Variants in HOMEZ observed in about 807,000 individuals in gnomAD.
HOMEZ encodes the protein homeobox and leucine zipper encoding, also known as homeobox and leucine zipper protein Homez.
A neutral mutation model predicts 50.1 loss-of-function variants in HOMEZ; 20 were observed. The ratio of observed to expected loss-of-function variants is 0.40; its 90% confidence interval spans 0.28 to 0.58. The LOEUF is 0.58. Ranked by LOEUF, HOMEZ falls within the 20% of genes least tolerant of loss-of-function variation. HOMEZ has a pLI of 0.46. For synonymous variants in HOMEZ, 239 were observed against 254.7 expected (o/e 0.94, Z 0.59); for missense variants, 579 against 680.5 (o/e 0.85, Z 1.66).
intron 1 of HOMEZ, among the ~76,000 whole-genome samples, chr14:23,283,214 T>A (rs182820294): frequency 1.3e-5 from 2 of 152,286 alleles, no homozygotes; most frequent in East Asian, 3.9e-4. Context: ...ATGCCAGATA[T>A]GTCCCATTGC....
rs570927271 is a variant in HOMEZ at position 23,286,074 on chromosome 14, T to G, written c.-122A>C. On this transcript the variant is annotated 5_prime_UTR_variant, in exon 1 of 2. Coordinates refer to ENST00000357460, the MANE Select transcript of HOMEZ (RefSeq NM_020834.3). ...GAAACCGGGACTGCCCCCCCCACCG[T>G]CCCCGGGAGCGCGCCGGTCTACCCA... The G allele has an allele frequency of 7.3e-6, 9 of 1,230,366 alleles. No individual in the cohort carries two copies. The highest frequency in any genetic ancestry group is 9.1e-6 in the Non-Finnish European group (9 of 986,972). The allele number at this position is 1,230,366 out of a possible 1,614,324, so 76.2% of individuals were successfully genotyped here.
rs1555323548 is a variant in HOMEZ at position 23,280,710 on chromosome 14, T to TTTTATTTTATTTTATTTTA, written c.41-3524_41-3523insTAAAATAAAATAAAATAAA. Among the ~76,000 whole-genome samples the TTTTATTTTATTTTATTTTA allele has an allele frequency of 1.4e-4, 9 of 62,102 alleles. 1 individual carries two copies. Among genetic ancestry groups the TTTTATTTTATTTTATTTTA allele is most frequent in the Admixed American group, 4.0e-4 (2 of 5,002 alleles). The allele number at this position is 62,102 out of a possible 152,430, so 40.7% of individuals were successfully genotyped here. ...TTTTATTTTTATTTTTATATTTTTA[T>TTTTATTTTATTTTATTTTA]TTTTATTTTATTTTATTTTATTTTA... On this transcript the variant is annotated intron_variant, in intron 1 of 1. Coordinates refer to ENST00000357460, the MANE Select transcript of HOMEZ (RefSeq NM_020834.3).
chr14:23,275,615 TCTTCC>T lies in HOMEZ; in HGVS notation c.1608_1612del (p.Glu537Ter), dbSNP rs745787648. Reference sequence around the variant, plus strand: ...CACATCATCATCATCATCATCATCATCTTCCTCCTCCTCCTCCTCCTCTTCCTCAT... The same window carrying T: ...CACATCATCATCATCATCATCATCATTCCTCCTCCTCCTCCTCTTCCTCAT... On this transcript the variant is annotated frameshift_variant, in exon 2 of 2. Coordinates refer to ENST00000357460, the MANE Select transcript of HOMEZ (RefSeq NM_020834.3). LOFTEE classifies it high-confidence loss of function. 3.7e-3 allele frequency: 5,196 copies of T among 1,405,702 alleles called. 15 individuals carry two copies. Among genetic ancestry groups the T allele is most frequent in the Non-Finnish European group, 4.4e-3 (4,562 of 1,040,264 alleles). The allele number at this position is 1,405,702 out of a possible 1,614,324, so 87.1% of individuals were successfully genotyped here. A position where few individuals can be genotyped will look rare whatever the true frequency, so the allele number is the denominator to read the frequency against.
chr14:23,281,140 C>G (rs909303742), intron 1 of HOMEZ, among the ~76,000 whole-genome samples: 1 of 152,094 alleles, frequency 6.6e-6, no homozygotes, highest in Non-Finnish European at 1.5e-5. Context: ...AAATGCTACA[C>G]GATGAATTGC....
In HOMEZ at chr14:23,276,510, A is replaced by T; in HGVS notation, c.718T>A (p.Ser240Thr). 6.2e-7 allele frequency: 1 copy of T among 1,613,960 alleles called. No homozygotes were observed. The highest frequency in any genetic ancestry group is 1.3e-5 in the African/African-American group (1 of 75,030). The change falls in exon 2 of 2, where the codon TCA becomes ACA. Residue 240 changes from serine to threonine, a missense_variant. Coordinates refer to ENST00000357460, the MANE Select transcript of HOMEZ (RefSeq NM_020834.3). This position sits in a 1 kb window ranked among gnomAD's most constrained non-coding sequence, Gnocchi z 4.1. ...CAGGAAGCAGTACCTATGCCATGTG[A>T]CTGGTTGGGACCCCTGCCTGCCTGC... ...KEQAGRGPNQ[S>T]HGIGTASWNH...
chr14:23,273,709 A>G lies in HOMEZ; in HGVS notation c.*1866T>C, dbSNP rs962110055. The G allele has an allele frequency of 2.6e-5, 4 of 152,000 alleles. No individual in the cohort carries two copies. The highest frequency in any genetic ancestry group is 9.7e-5 in the African/African-American group (4 of 41,424). The allele number at this position is 152,000 out of a possible 1,614,324, so 9.4% of individuals were successfully genotyped here. A position where few individuals can be genotyped will look rare whatever the true frequency, so the allele number is the denominator to read the frequency against. ...CTTGTATCTGAACTAGGATCCCCAT[A>G]CCCTTTCTGGTACTCTGAATTTATT... On this transcript the variant is annotated 3_prime_UTR_variant, in exon 2 of 2. Coordinates refer to ENST00000357460, the MANE Select transcript of HOMEZ (RefSeq NM_020834.3).
rs1429308207 is a variant in HOMEZ, at chr14:23,273,344, T to C, written c.*2231A>G. The C allele has an allele frequency of 6.5e-6, 1 of 152,978 alleles. No homozygotes were observed. Among genetic ancestry groups the C allele is most frequent in the African/African-American group, 2.4e-5 (1 of 41,472 alleles). The allele number at this position is 152,978 out of a possible 1,614,324, so 9.5% of individuals were successfully genotyped here. A position where few individuals can be genotyped will look rare whatever the true frequency, so the allele number is the denominator to read the frequency against. ...TTTCCTTATTATACTTTTTTATTTGTCTATTATTTCCTCTATGCTTAGTTA... is the reference window on the plus strand; with the variant it reads ...TTTCCTTATTATACTTTTTTATTTGCCTATTATTTCCTCTATGCTTAGTTA... On this transcript the variant is annotated 3_prime_UTR_variant, in exon 2 of 2. Coordinates refer to ENST00000357460, the MANE Select transcript of HOMEZ (RefSeq NM_020834.3).
Position 23,272,821 on chromosome 14 carries a change from A to C in HOMEZ, c.*2754T>G, listed in dbSNP as rs1168043108. On this transcript the variant is annotated 3_prime_UTR_variant, in exon 2 of 2. Coordinates refer to ENST00000357460, the MANE Select transcript of HOMEZ (RefSeq NM_020834.3). Reference sequence around the variant, plus strand: ...CATCTACCTTCTTGTCCTCTGCTGCAGACTCTCTACCAACAACGGAGGCAT... The same window carrying C: ...CATCTACCTTCTTGTCCTCTGCTGCCGACTCTCTACCAACAACGGAGGCAT... 31 of 1,547,072 alleles carry C rather than the reference A, an allele frequency of 2.0e-5. No individual in the cohort carries two copies. Among genetic ancestry groups the C allele is most frequent in the Non-Finnish European group, 2.4e-5 (27 of 1,144,252 alleles).
intron 1 of HOMEZ, among the ~76,000 whole-genome samples, chr14:23,280,703 ATTTTTATTTTTATTTTATTTTATTTTATT>A: frequency 1.6e-5 from 1 of 61,616 alleles, no homozygotes; most frequent in East Asian, 6.0e-4. Context: ...TTATTTTTAT[ATTTTTATTTTTATTTTATTTTATTTTATT>A]TTATTTTATT....
chr14:23,285,814 C>A (rs1729359770), intron 1 of HOMEZ, 99 bp downstream of exon 1: 21 of 673,126 alleles, frequency 3.1e-5, no homozygotes, highest in Non-Finnish European at 4.3e-5. Context: ...CCACTTCGAA[C>A]CTAGAATTAT....
chr14:23,273,801 C>T lies in HOMEZ; in HGVS notation c.*1774G>A, dbSNP rs1048068190. The T allele has an allele frequency of 1.4e-4, 21 of 152,254 alleles. No homozygotes were observed. The highest frequency in any genetic ancestry group is 3.4e-4 in the African/African-American group (14 of 41,458). The allele number at this position is 152,254 out of a possible 1,614,324, so 9.4% of individuals were successfully genotyped here. A position where few individuals can be genotyped will look rare whatever the true frequency, so the allele number is the denominator to read the frequency against. The stretch of plus-strand genomic sequence containing the variant: ...TGTCCTGTAGCAAATGGAGTTACCT[C>T]CAAGACTGTTGTATCTCTGTTACTC... On this transcript the variant is annotated 3_prime_UTR_variant, in exon 2 of 2. Coordinates refer to ENST00000357460, the MANE Select transcript of HOMEZ (RefSeq NM_020834.3).
chr14:23,276,460 C>T lies in HOMEZ; in HGVS notation c.768G>A (p.Gln256=). ...ASWNHSTTVP[Q]PQARDKPPPI... ...GTGGGGGTTTATCCCGAGCTTGTGG[C>T]TGGGGGACGGTTGTGGAGTGGTTCC... is the stretch of plus-strand genomic sequence containing the variant. Residue 256 remains glutamine (Q), a synonymous_variant, in exon 2 of 2, where the codon CAG becomes CAA. Transcript: ENST00000357460. This position sits in a 1 kb window ranked among gnomAD's most constrained non-coding sequence, Gnocchi z 4.1. 1.9e-6 allele frequency: 3 copies of T among 1,614,038 alleles called. No individual in the cohort carries two copies. The highest frequency in any genetic ancestry group is 1.3e-5 in the African/African-American group (1 of 75,056).
chr14:23,272,486 G>A lies in HOMEZ; in HGVS notation c.*3089C>T. On this transcript the variant is annotated 3_prime_UTR_variant, in exon 2 of 2. Coordinates refer to ENST00000357460, the MANE Select transcript of HOMEZ (RefSeq NM_020834.3). ...TGAAAAAATTTTAAAGTTATTGAAGGAAATGCCACCTCCTCAGAGGCCTAA... is the reference window on the plus strand; with the variant it reads ...TGAAAAAATTTTAAAGTTATTGAAGAAAATGCCACCTCCTCAGAGGCCTAA... 3.6e-6 allele frequency: 1 copy of A among 278,046 alleles called. No individual in the cohort carries two copies. Among genetic ancestry groups the A allele is most frequent in the Non-Finnish European group, 6.9e-6 (1 of 145,270 alleles). 17.2% of individuals were successfully genotyped at this position (278,046 alleles called of 1,614,324 possible). A position where few individuals can be genotyped will look rare whatever the true frequency, so the allele number is the denominator to read the frequency against.
chr14:23,275,308 G>T lies in HOMEZ; in HGVS notation c.*267C>A. The T allele has an allele frequency of 2.1e-6, 1 of 471,860 alleles. No individual in the cohort carries two copies. Among genetic ancestry groups the T allele is most frequent in the Non-Finnish European group, 3.7e-6 (1 of 269,226 alleles). The allele number at this position is 471,860 out of a possible 1,614,324, so 29.2% of individuals were successfully genotyped here. ...CGAGGAGAGCAAGAGCAGCTTCCCA[G>T]CCCATGGTTTCCCCAGATCCTTAGC... On this transcript the variant is annotated 3_prime_UTR_variant, in exon 2 of 2. Transcript: ENST00000357460.
In HOMEZ at chr14:23,276,630, T is replaced by G. The variant is rs778327194; in HGVS notation, c.598A>C (p.Lys200Gln). Residue 200 changes from lysine (K) to glutamine (Q), a missense_variant, in exon 2 of 2, where the codon AAA becomes CAA. Lys to Gln is a moderately conservative substitution (Grantham distance 53). Coordinates refer to ENST00000357460, the MANE Select transcript of HOMEZ (RefSeq NM_020834.3). This position sits in a 1 kb window ranked among gnomAD's most constrained non-coding sequence, Gnocchi z 4.1. ...QMPPLPQSHQ[K>Q]LKESLMTPGS... Reference sequence around the variant, plus strand: ...GGTGTCATCAGGGACTCCTTTAATTTCTGGTGACTCTGTGGCAGTGGTGGC... The same window carrying G: ...GGTGTCATCAGGGACTCCTTTAATTGCTGGTGACTCTGTGGCAGTGGTGGC... 6.2e-7 allele frequency: 1 copy of G among 1,613,988 alleles called. No individual in the cohort carries two copies. Among genetic ancestry groups the G allele is most frequent in the South Asian group, 1.1e-5 (1 of 91,088 alleles).
chr14:23,276,191 G>A lies in HOMEZ; in HGVS notation c.1037C>T (p.Pro346Leu). 1.9e-6 allele frequency: 3 copies of A among 1,613,966 alleles called. No homozygotes were observed. The highest frequency in any genetic ancestry group is 2.5e-6 in the Non-Finnish European group (3 of 1,179,894). Residue 346 changes from proline (P) to leucine (L), a missense_variant, in exon 2 of 2, where the codon CCC becomes CTC. Transcript: ENST00000357460. This position sits in a 1 kb window ranked among gnomAD's most constrained non-coding sequence, Gnocchi z 4.1. ...RHNSVPGRVG[P>L]TEYLSPDMQR... is the part of the protein sequence containing the mutation. ...CATATCTGGGGAAAGGTACTCTGTGGGGCCAACTCTACCTGGTACTGAGTT... is the reference window on the plus strand; with the variant it reads ...CATATCTGGGGAAAGGTACTCTGTGAGGCCAACTCTACCTGGTACTGAGTT...
chr14:23,276,818 GA>G lies in HOMEZ; in HGVS notation c.409del (p.Ser137ProfsTer31). ...CGCATGATGAGTAAAAGAGAGAAGG[GA>G]TTTGAAATGGAGTTGGTCCCGACGG... ...VYRRDQLHFK[S>X]LLSFTHHAGR... On this transcript the variant is annotated frameshift_variant, in exon 2 of 2. Coordinates refer to ENST00000357460, the MANE Select transcript of HOMEZ (RefSeq NM_020834.3). LOFTEE classifies it high-confidence loss of function. The surrounding 1 kb of genome is among the most constrained non-coding windows in gnomAD (Gnocchi z 4.1). 6.2e-7 allele frequency: 1 copy of G among 1,614,022 alleles called. No individual in the cohort carries two copies. Among genetic ancestry groups the G allele is most frequent in the Non-Finnish European group, 8.5e-7 (1 of 1,179,882 alleles).
intron 1 of HOMEZ, among the ~76,000 whole-genome samples, chr14:23,283,786 T>C (rs1886605881): frequency 6.6e-6 from 1 of 152,152 alleles, no homozygotes; most frequent in Non-Finnish European, 1.5e-5. Context: ...TCCCAGCTAC[T>C]GGGAAGGCTG....
chr14:23,278,968 G>A (rs866161020), intron 1 of HOMEZ, among the ~76,000 whole-genome samples: 17 of 150,434 alleles, frequency 1.1e-4, no homozygotes, highest in South Asian at 4.2e-4. Flanking sequence ...GAGCCACGGC[G>A]CCTGGCCAGA....
Sources: gnomAD v4.1 joint callset for allele counts (sites outside exome capture counted in the v4.1 genomes callset) on GRCh38, gnomAD v4.1.1 for gene constraint, Gnocchi (gnomAD v3.1) non-coding constraint, MANE v1.5 for transcripts, NCBI Gene and HGNC (gene_info 2026-07-23, HGNC 2026-07-21) for gene names.